The following ASPH variants were observed in gnomAD, a reference collection of about 807,000 sequenced individuals.
The protein encoded by ASPH is aspartyl/asparaginyl beta-hydroxylase.
In ASPH, 100 loss-of-function variants were observed where a neutral mutation model predicts 118.4. That is an observed-to-expected ratio of 0.84 (90% CI 0.72 to 1.00). The LOEUF is 1.00. Among genes scored for constraint, ASPH ranks in the 50% least tolerant of loss-of-function variants. ASPH has a pLI of 0.00. For synonymous variants in ASPH, 315 were observed against 325.6 expected (o/e 0.97, Z 0.35); for missense variants, 920 against 919.5 (o/e 1.00, Z -0.01).
chr8:61,663,393 G>A, intron 3 of ASPH: 1 of 985,390 alleles, frequency 1.0e-6, no homozygotes, highest in South Asian at 4.7e-5. Context: ...ATCTGCATTG[G>A]GATTGGTAAA....
chr8:61,669,849 T>C (rs1821535040), intron 3 of ASPH, among the ~76,000 whole-genome samples: 1 of 152,204 alleles, frequency 6.6e-6, no homozygotes, highest in African/African-American at 2.4e-5. Flanking sequence ...ATGAAAAGAC[T>C]AGAGTTAACT....
intron 4 of ASPH, among the ~76,000 whole-genome samples, chr8:61,652,244 T>C (rs1469403591): frequency 1.3e-5 from 2 of 152,192 alleles, no homozygotes; most frequent in African/African-American, 2.4e-5. Flanking sequence ...GAAATCACCA[T>C]CCAAAGAGAA....
chr8:61,664,970 T>C (rs1460392470), intron 3 of ASPH: 1 of 1,154,012 alleles, frequency 8.7e-7, no homozygotes, highest in African/African-American at 1.6e-5. Flanking sequence ...AATATATTAA[T>C]CCATAAAAAT....
In ASPH at chr8:61,714,365, G is replaced by A; in HGVS notation, c.7C>T (p.Gln3Ter). The change falls in exon 1 of 25, where the codon CAG (glutamine) becomes TAG (stop). Residue 3 changes from glutamine to a stop codon, truncating the protein, a stop_gained. Transcript: ENST00000379454. LOFTEE classifies it high-confidence loss of function. ...CCGCTGCTCTTGGCATTCTTACGCT[G>A]GGCCATTGCACGGTCCGCGGGGGCT... The part of the protein sequence containing the change: MA[Q>*]RKNAKSSGNS... 1 of 1,516,876 alleles carries A rather than the reference G, an allele frequency of 6.6e-7. No individual in the cohort carries two copies. The highest frequency in any genetic ancestry group is 8.8e-7 in the Non-Finnish European group (1 of 1,132,750). The allele number at this position is 1,516,876 out of a possible 1,614,324, so 94.0% of individuals were successfully genotyped here.
intron 3 of ASPH, among the ~76,000 whole-genome samples, chr8:61,677,251 TG>T (rs1258422349): frequency 6.6e-6 from 1 of 152,166 alleles, no homozygotes; most frequent in Non-Finnish European, 1.5e-5. Context: ...TTTCATCATT[TG>T]TTTTTTTCCT....
chr8:61,500,917 T>TATTA lies in ASPH; in HGVS notation c.*2438_*2441dup. On this transcript the variant is annotated 3_prime_UTR_variant, in exon 25 of 25. Transcript: ENST00000379454. ...TGGTCATAATCACCCCTGATAATATTATTACTAATCTTAATTATTTATTAC... is the reference window on the plus strand; with the variant it reads ...TGGTCATAATCACCCCTGATAATATTATTAATTACTAATCTTAATTATTTATTAC... 6.6e-6 allele frequency: 1 copy of TATTA among 152,328 alleles called. No individual in the cohort carries two copies. The highest frequency in any genetic ancestry group is 1.5e-5 in the Non-Finnish European group (1 of 68,024). The allele number at this position is 152,328 out of a possible 1,614,324, so 9.4% of individuals were successfully genotyped here.
chr8:61,638,321 C>G lies in ASPH; in HGVS notation c.832+1G>C. The G allele has an allele frequency of 6.3e-7, 1 of 1,598,990 alleles. No homozygotes were observed. Among genetic ancestry groups the G allele is most frequent in the Non-Finnish European group, 8.5e-7 (1 of 1,175,886 alleles). On this transcript the variant is annotated splice_donor_variant, in intron 11 of 24. Transcript: ENST00000379454. LOFTEE classifies it high-confidence loss of function. The stretch of plus-strand genomic sequence containing the variant: ...AATATGTGCTTACAGAAAAAACTTA[C>G]CTGTGATTTCTATCCCTTCATTTTC...
intron 14 of ASPH, among the ~76,000 whole-genome samples, chr8:61,608,304 G>A (rs1012078811): frequency 5.9e-5 from 9 of 152,150 alleles, no homozygotes; most frequent in Admixed American, 5.2e-4. Context: ...AGAGTCTGCC[G>A]ATGAGATAGA....
rs551912039 is a variant in ASPH, at chr8:61,608,051, G to T, written c.976+10927C>A. Among the ~76,000 whole-genome samples the T allele has an allele frequency of 3.4e-4, 51 of 152,196 alleles. No individual in the cohort carries two copies. In the South Asian group the frequency reaches 9.5e-3, roughly 28 times the overall value. ...CAGAGGCAGTTGCTGTCTTTCCCAG[G>T]CAACATATTTGCAGCACTGGGAAAG... is the stretch of plus-strand genomic sequence containing the variant. On this transcript the variant is annotated intron_variant, in intron 14 of 24. Transcript: ENST00000379454.
At chr8:61,676,839 A>C (rs1825655051) in intron 3 of ASPH, among the ~76,000 whole-genome samples, 1 of 151,994 alleles carries the variant, frequency 6.6e-6, no homozygotes. Flanking sequence ...ACCCCACTTA[A>C]GACCTGGAGC....
intron 4 of ASPH, among the ~76,000 whole-genome samples, chr8:61,652,633 T>G (rs115913128): frequency 1.1e-3 from 167 of 152,074 alleles, no homozygotes; most frequent in African/African-American, 3.4e-3. Context: ...AAAAAAGAAA[T>G]GTGGGGGTCA....
chr8:61,681,621 A>T (rs1392751456), intron 2 of ASPH, among the ~76,000 whole-genome samples: 1 of 151,838 alleles, frequency 6.6e-6, no homozygotes, highest in Non-Finnish European at 1.5e-5. Flanking sequence ...CATTCTGGAA[A>T]TAAAGTATAT....
intron 13 of ASPH, chr8:61,626,335 A>C: frequency 7.0e-7 from 1 of 1,428,154 alleles, no homozygotes; most frequent in Non-Finnish European, 9.2e-7. Flanking sequence ...CAGACTGTGA[A>C]ACTGCTTCAT....
chr8:61,549,664 A>G (rs935006554), intron 20 of ASPH, among the ~76,000 whole-genome samples: 1 of 152,276 alleles, frequency 6.6e-6, no homozygotes, highest in East Asian at 1.9e-4. Context: ...TAATTTGACT[A>G]TTGTGGTTAT....
intron 13 of ASPH, chr8:61,628,440 A>T: frequency 3.5e-6 from 1 of 286,542 alleles, no homozygotes; most frequent in South Asian, 3.0e-5. Context: ...AAGTGCTGAC[A>T]CTACATGCGT....
In ASPH at chr8:61,504,211, G is replaced by A. The variant is rs993138103; in HGVS notation, c.2127-702C>T. On this transcript the variant is annotated intron_variant, in intron 24 of 24. Transcript: ENST00000379454. ...TCTATTAAGAGAGAAACATACAGGA[G>A]GCAGTAACACAATGCTTTTCAAATC... Among the ~76,000 whole-genome samples, 85 of 152,252 alleles carry A rather than the reference G, an allele frequency of 5.6e-4. 1 individual carries two copies. Among genetic ancestry groups the A allele is most frequent in the Non-Finnish European group, 8.4e-4 (57 of 68,022 alleles).
At chr8:61,579,528 T>C (rs1836695444) in intron 15 of ASPH, 3 of 1,555,540 alleles carry the variant, frequency 1.9e-6, no homozygotes, top group Non-Finnish European at 1.8e-6. Flanking sequence ...CGGCCTCAGC[T>C]ACGGCCTGGG....
intron 1 of ASPH, among the ~76,000 whole-genome samples, chr8:61,687,057 C>T (rs539091180): frequency 1.3e-5 from 2 of 151,926 alleles, no homozygotes; most frequent in Non-Finnish European, 2.9e-5. Context: ...CACCATTATA[C>T]TCCAGCCTGG....
At chr8:61,541,667 C>T (rs1286454130) in intron 21 of ASPH, among the ~76,000 whole-genome samples, 1 of 152,184 alleles carries the variant, frequency 6.6e-6, no homozygotes, top group African/African-American at 2.4e-5. Flanking sequence ...AGTGGTCATC[C>T]TGACGTTACT....
Sources: gnomAD v4.1 joint callset for allele counts (sites outside exome capture counted in the v4.1 genomes callset) on GRCh38, gnomAD v4.1.1 for gene constraint, MANE v1.5 for transcripts, NCBI Gene and HGNC (gene_info 2026-07-23, HGNC 2026-07-21) for gene names.